The following PLG variants were observed in gnomAD, a reference collection of about 807,000 sequenced individuals.
The protein encoded by PLG is plasminogen.
PLG carries 41 observed loss-of-function variants against 104.4 expected under a neutral mutation model. The observed-to-expected ratio is 0.39, with a 90% confidence interval of 0.31 to 0.51. The LOEUF is 0.51. Ranked by LOEUF, PLG falls within the 20% of genes least tolerant of loss-of-function variation. The pLI is 0.76. For missense variants in PLG, 891 were observed against 1,003.6 expected, an observed-to-expected ratio of 0.89 and a Z score of 1.52; for synonymous variants, 337 against 357.1, an observed-to-expected ratio of 0.94 and a Z score of 0.63.
rs893943798 is a variant in PLG at position 160,732,568 on chromosome 6, G to A, written c.1587+675G>A. ...AGTTAAGGCTCAGTCCCACAAGACC[G>A]CCCCACTGCAGATGCCAATCCCAAG... On this transcript the variant is annotated intron_variant, in intron 12 of 18. Transcript: ENST00000308192. The surrounding 1 kb of genome is among the most constrained non-coding windows in gnomAD (Gnocchi z 4.5). Among the ~76,000 whole-genome samples, 1 of 152,210 alleles carries A rather than the reference G, an allele frequency of 6.6e-6. No homozygotes were observed. Among genetic ancestry groups the A allele is most frequent in the South Asian group, 2.1e-4 (1 of 4,824 alleles).
At chr6:160,703,437 C>T (rs1465583390) in intron 1 of PLG, among the ~76,000 whole-genome samples, 2 of 152,206 alleles carry the variant, frequency 1.3e-5, no homozygotes, top group African/African-American at 4.8e-5. Flanking sequence ...GCTGTTACCC[C>T]CAATCTGCAG....
At chr6:160,708,409 A>G (rs1182854461) in intron 3 of PLG, 1 of 152,616 alleles carries the variant, frequency 6.6e-6, no homozygotes, top group East Asian at 1.9e-4. Context: ...CCCACTGCTT[A>G]GAATAAGAGG....
At chr6:160,715,012 G>A in intron 6 of PLG, 98 bp downstream of exon 6, 1 of 1,208,934 alleles carries the variant, frequency 8.3e-7, no homozygotes, top group South Asian at 1.3e-5. Flanking sequence ...TCCTCAAGAA[G>A]TGAACGCCTG....
At position 160,734,830 on chromosome 6, in the gene PLG, A is replaced by G. The variant is rs1185882343; in HGVS notation, c.1681+742A>G. Among the ~76,000 whole-genome samples the G allele has an allele frequency of 1.3e-5, 2 of 151,476 alleles. No individual in the cohort carries two copies. ...GCTGACCAATCAATTTGTCCTAGTT[A>G]CAGAAAACCACCCTGGACTTCTCCT... On this transcript the variant is annotated intron_variant, in intron 13 of 18. Coordinates refer to ENST00000308192, the MANE Select transcript of PLG (RefSeq NM_000301.5). This position sits in a 1 kb window ranked among gnomAD's most constrained non-coding sequence, Gnocchi z 4.4.
chr6:160,706,202 T>A, intron 1 of PLG: 4 of 655,632 alleles, frequency 6.1e-6, no homozygotes, highest in Non-Finnish European at 1.1e-5. Flanking sequence ...CCCAGTGTCT[T>A]TAGTTGCCAT....
Position 160,731,795 on chromosome 6 carries a change from G to A in PLG, c.1489G>A (p.Val497Ile). ...ATACCGAGGCAAGAGGGCGACCACT[G>A]TTACTGGGACGCCATGCCAGGACTG... is the stretch of plus-strand genomic sequence containing the variant. The part of the protein sequence containing the change: ...KGYRGKRATT[V>I]TGTPCQDWAA... The change falls in exon 12 of 19, where the codon GTT (valine) becomes ATT (isoleucine). Residue 497 changes from valine to isoleucine, a missense_variant. Transcript: ENST00000308192. The surrounding 1 kb of genome is among the most constrained non-coding windows in gnomAD (Gnocchi z 5.1). 6.2e-7 allele frequency: 1 copy of A among 1,613,668 alleles called. No individual in the cohort carries two copies. Among genetic ancestry groups the A allele is most frequent in the Non-Finnish European group, 8.5e-7 (1 of 1,179,606 alleles).
At chr6:160,709,813 C>T (rs1777603802) in intron 3 of PLG, among the ~76,000 whole-genome samples, 1 of 152,160 alleles carries the variant, frequency 6.6e-6, no homozygotes, top group Non-Finnish European at 1.5e-5. Context: ...CATTAGTTTG[C>T]TGTAGGTATG....
At chr6:160,750,556 T>C (rs1424111686) in intron 17 of PLG, among the ~76,000 whole-genome samples, 2 of 152,250 alleles carry the variant, frequency 1.3e-5, no homozygotes, top group African/African-American at 4.8e-5. Context: ...ATGCACCCAC[T>C]GCCCAATGCT....
At chr6:160,730,934 A>AAG in intron 10 of PLG, 117 bp from the exon 11 acceptor site, 3 of 957,236 alleles carry the variant, frequency 3.1e-6, no homozygotes, top group Non-Finnish European at 5.0e-6. Context: ...TTGTACCTAT[A>AAG]ATGGGAATAT....
rs2115174266 is a variant in PLG, at chr6:160,732,021, A to C, written c.1587+128A>C. On this transcript the variant is annotated intron_variant, in intron 12 of 18. Coordinates refer to ENST00000308192, the MANE Select transcript of PLG (RefSeq NM_000301.5). The surrounding 1 kb of genome is among the most constrained non-coding windows in gnomAD (Gnocchi z 4.5). ...GTAATGGGGGAGAGGGGACAGAAGA[A>C]AATATTGGAAAGGCATCAGGGGGCT... 2.1e-6 allele frequency: 2 copies of C among 975,100 alleles called. No individual in the cohort carries two copies. The highest frequency in any genetic ancestry group is 4.8e-5 in the East Asian group (2 of 41,470). The allele number at this position is 975,100 out of a possible 1,614,324, so 60.4% of individuals were successfully genotyped here.
chr6:160,721,707 T>C (rs1055186737), intron 9 of PLG, among the ~76,000 whole-genome samples: 2 of 152,210 alleles, frequency 1.3e-5, no homozygotes, highest in African/African-American at 4.8e-5. Flanking sequence ...CTGGTCTACC[T>C]CCCTCTTAGG....
chr6:160,718,256 A>AG, intron 7 of PLG, 38 bp from the exon 8 acceptor site: 1 of 1,568,936 alleles, frequency 6.4e-7, no homozygotes, highest in Non-Finnish European at 8.7e-7. Flanking sequence ...GTCTCAAAAA[A>AG]TATATATATT....
chr6:160,704,104 A>G (rs1777475041), intron 1 of PLG, among the ~76,000 whole-genome samples: 1 of 152,256 alleles, frequency 6.6e-6, no homozygotes, highest in African/African-American at 2.4e-5. Context: ...AGCAATATAC[A>G]TCTGCATTTT....
At position 160,741,240 on chromosome 6, in the gene PLG, G is replaced by T; in HGVS notation, c.2019-71G>T. ...AGAGGGCTCTGGGGCCTCAAGACAG[G>T]GATGACTGGTTGTGGGTACTGCAGC... On this transcript the variant is annotated intron_variant, in intron 16 of 18. Transcript: ENST00000308192. This position sits in a 1 kb window ranked among gnomAD's most constrained non-coding sequence, Gnocchi z 4.7. The T allele has an allele frequency of 2.8e-6, 3 of 1,059,222 alleles. No individual in the cohort carries two copies. The highest frequency in any genetic ancestry group is 4.4e-6 in the Non-Finnish European group (3 of 675,288). The allele number at this position is 1,059,222 out of a possible 1,614,324, so 65.6% of individuals were successfully genotyped here.
At position 160,739,615 on chromosome 6, in the gene PLG, T is replaced by C. The variant is rs1180692834; in HGVS notation, c.2018+407T>C. 6.6e-6 allele frequency among the ~76,000 whole-genome samples: 1 copy of C among 151,090 alleles called. No homozygotes were observed. The highest frequency in any genetic ancestry group is 2.4e-5 in the African/African-American group (1 of 41,166). On this transcript the variant is annotated intron_variant, in intron 16 of 18. Coordinates refer to ENST00000308192, the MANE Select transcript of PLG (RefSeq NM_000301.5). This position sits in a 1 kb window ranked among gnomAD's most constrained non-coding sequence, Gnocchi z 4.4. Reference sequence around the variant, plus strand: ...GCACTTTAAAAACCACAAGATCGAGTTGGGTGTCTGGTGTGGGTGCCTGTA... The same window carrying C: ...GCACTTTAAAAACCACAAGATCGAGCTGGGTGTCTGGTGTGGGTGCCTGTA...
intron 1 of PLG, among the ~76,000 whole-genome samples, chr6:160,702,897 C>A (rs1483133188): frequency 6.6e-6 from 1 of 152,136 alleles, no homozygotes; most frequent in African/African-American, 2.4e-5. Flanking sequence ...CACACGCATC[C>A]ATTTGCCAGA....
chr6:160,722,964 G>A (rs1039574756), intron 10 of PLG, among the ~76,000 whole-genome samples: 1 of 151,718 alleles, frequency 6.6e-6, no homozygotes, highest in Non-Finnish European at 1.5e-5. Context: ...TGCTATTTTT[G>A]TCTTGGGTCA....
chr6:160,743,088 A>G (rs1212243782), intron 17 of PLG, among the ~76,000 whole-genome samples: 1 of 150,694 alleles, frequency 6.6e-6, no homozygotes. Flanking sequence ...AAGCCAGGTA[A>G]TGTGATGTCT....
Position 160,736,909 on chromosome 6 carries a change from G to A in PLG, c.1704G>A (p.Gly568=), listed in dbSNP as rs1469893401. ...CAGCGGCCCCTTCATTTGATTGTGG[G>A]AAGCCTCAAGTGGAGCCGAAGAAAT... ...PQCAAPSFDC[G]KPQVEPKKCP... The change falls in exon 14 of 19, where the codon GGG becomes GGA. Residue 568 remains glycine (G), a synonymous_variant. Transcript: ENST00000308192. This position sits in a 1 kb window ranked among gnomAD's most constrained non-coding sequence, Gnocchi z 5.2. The A allele has an allele frequency of 1.2e-6, 2 of 1,613,838 alleles. No homozygotes were observed. The highest frequency in any genetic ancestry group is 2.7e-5 in the African/African-American group (2 of 74,872).
Sources: gnomAD v4.1 joint callset for allele counts (sites outside exome capture counted in the v4.1 genomes callset) on GRCh38, gnomAD v4.1.1 for gene constraint, Gnocchi (gnomAD v3.1) non-coding constraint, MANE v1.5 for transcripts, NCBI Gene and HGNC (gene_info 2026-07-23, HGNC 2026-07-21) for gene names.